Variants in ADGRV1 observed in about 807,000 individuals in gnomAD.
ADGRV1 encodes adhesion G protein-coupled receptor V1, also known as G-protein coupled receptor 98.
Under a neutral mutation model 596.2 loss-of-function variants are expected in ADGRV1, and 359 were observed. That is an observed-to-expected ratio of 0.60 (90% CI 0.55 to 0.66). ADGRV1 has a LOEUF of 0.66. ADGRV1 is among the 30% of genes least tolerant of loss of function. The pLI is 0.00. For synonymous variants in ADGRV1, 2,681 were observed against 2,679.2 expected (o/e 1.00, Z -0.02); for missense variants, 7,274 against 7,575.6 (o/e 0.96, Z 1.48).
rs1745227395 is a variant in ADGRV1 at position 90,683,634 on chromosome 5, A to G, written c.5713A>G (p.Ile1905Val). 2 of 1,611,360 alleles carry G rather than the reference A, an allele frequency of 1.2e-6. No homozygotes were observed. Among genetic ancestry groups the G allele is most frequent in the Non-Finnish European group, 1.7e-6 (2 of 1,177,758 alleles). ...GTCTCCAGTGACTTTGCATTGGAAC[A>G]TAGACTCTGATCCTGATGGTGATCT... ...TLSPVTLHWN[I>V]DSDPDGDLAF... Residue 1905 changes from isoleucine (I) to valine (V), a missense_variant, in exon 28 of 90, where the codon ATA becomes GTA. Around this residue, in one of 5 missense-constraint regions of ADGRV1, gnomAD observed 3,643 missense variants for 3,809.2 expected, o/e 0.96. Coordinates refer to ENST00000405460, the MANE Select transcript of ADGRV1 (RefSeq NM_032119.4).
chr5:90,630,007 T>G (rs889376034), intron 9 of ADGRV1: 1 of 151,804 alleles, frequency 6.6e-6, no homozygotes, highest in Non-Finnish European at 1.5e-5. Context: ...ATATTTTTTC[T>G]TTTTTTTTGA....
At chr5:91,064,390 T>A (rs527581996) in intron 85 of ADGRV1, among the ~76,000 whole-genome samples, 1 of 152,320 alleles carries the variant, frequency 6.6e-6, no homozygotes, top group East Asian at 1.9e-4. Flanking sequence ...CATATATACA[T>A]AACAATAATG....
intron 85 of ADGRV1, among the ~76,000 whole-genome samples, chr5:91,057,925 A>G (rs1360226309): frequency 1.3e-5 from 2 of 152,196 alleles, no homozygotes; most frequent in Non-Finnish European, 2.9e-5. Flanking sequence ...ACTAGTGAGT[A>G]TTATACTTAG....
intron 85 of ADGRV1, among the ~76,000 whole-genome samples, chr5:91,046,646 A>G (rs1022955229): frequency 6.6e-6 from 1 of 152,354 alleles, no homozygotes; most frequent in African/African-American, 2.4e-5. Flanking sequence ...CAAATGCAGT[A>G]AGAACAAAGA....
intron 74 of ADGRV1, among the ~76,000 whole-genome samples, chr5:90,814,863 A>G (rs996192055): frequency 2.6e-5 from 4 of 152,166 alleles, no homozygotes; most frequent in African/African-American, 9.7e-5. Context: ...AGGGCCATGG[A>G]GAATAGAAAG....
intron 85 of ADGRV1, among the ~76,000 whole-genome samples, chr5:91,068,332 G>A (rs1413285323): frequency 1.3e-5 from 2 of 151,864 alleles, no homozygotes; most frequent in Admixed American, 6.6e-5. Flanking sequence ...AGCTGGGCAT[G>A]GTGGTGGGCA....
At chr5:90,585,543 G>A (rs774125223) in intron 1 of ADGRV1, among the ~76,000 whole-genome samples, 2 of 152,198 alleles carry the variant, frequency 1.3e-5, no homozygotes, top group African/African-American at 4.8e-5. Flanking sequence ...TGAGCCCCAG[G>A]GCTGGCTGTG....
chr5:90,962,950 A>G (rs1378177334), intron 83 of ADGRV1, among the ~76,000 whole-genome samples: 6 of 152,212 alleles, frequency 3.9e-5, no homozygotes, highest in African/African-American at 1.4e-4. Context: ...AACATATTGA[A>G]AAAGAAAAGA....
At chr5:90,890,302 G>C (rs1770683795) in intron 83 of ADGRV1, among the ~76,000 whole-genome samples, 1 of 152,090 alleles carries the variant, frequency 6.6e-6, no homozygotes, top group Non-Finnish European at 1.5e-5. Context: ...CCTGTATAAA[G>C]GTCCTATTGT....
Position 90,778,515 on chromosome 5 carries a change from G to A in ADGRV1, c.12755G>A (p.Ser4252Asn), listed in dbSNP as rs898260796. ...VSEGGVLSES[S>N]STANITVVAS... ...GAGGGAGGAGTTCTGAGTGAATCCA[G>A]CAGCACTGCCAACATCACGGTGGTG... The change falls in exon 63 of 90, where the codon AGC becomes AAC. Residue 4252 changes from serine (S) to asparagine (N), a missense_variant. By Grantham distance (46) the Ser-to-Asn change is conservative. Coordinates refer to ENST00000405460, the MANE Select transcript of ADGRV1 (RefSeq NM_032119.4). 6.2e-7 allele frequency: 1 copy of A among 1,613,120 alleles called. No individual in the cohort carries two copies. Among genetic ancestry groups the A allele is most frequent in the Non-Finnish European group, 8.5e-7 (1 of 1,179,476 alleles).
chr5:90,803,335 A>G (rs375260575), intron 71 of ADGRV1, among the ~76,000 whole-genome samples: 2 of 152,184 alleles, frequency 1.3e-5, no homozygotes, highest in South Asian at 4.1e-4. Flanking sequence ...CGTTGTAGGA[A>G]AGATTATTTC....
At chr5:91,101,825 A>T (rs1195081621) in intron 86 of ADGRV1, among the ~76,000 whole-genome samples, 3 of 152,166 alleles carry the variant, frequency 2.0e-5, no homozygotes, top group East Asian at 3.8e-4. Flanking sequence ...ACGATGTTAT[A>T]TAATTTCTGT....
intron 1 of ADGRV1, among the ~76,000 whole-genome samples, chr5:90,595,107 C>CA (rs1760117540): frequency 7.9e-6 from 1 of 126,974 alleles, no homozygotes; most frequent in African/African-American, 3.3e-5. Context: ...GCTGGCCGGG[C>CA]GGGGGGCTGA....
intron 83 of ADGRV1, among the ~76,000 whole-genome samples, chr5:90,950,153 T>A (rs565540606): frequency 6.6e-6 from 1 of 152,318 alleles, no homozygotes; most frequent in East Asian, 1.9e-4. Flanking sequence ...ATTTATCTCC[T>A]GGATGAAAAG....
At position 90,778,791 on chromosome 5, in the gene ADGRV1, G is replaced by T. The variant is rs1758533262; in HGVS notation, c.12850-74G>T. On this transcript the variant is annotated intron_variant, in intron 63 of 89. Coordinates refer to ENST00000405460, the MANE Select transcript of ADGRV1 (RefSeq NM_032119.4). The stretch of plus-strand genomic sequence containing the variant: ...AATTTTAACACAATCCTGGTAAATA[G>T]AACGTTTAGTTACAGACAGTATTGT... 6 of 1,249,738 alleles carry T rather than the reference G, an allele frequency of 4.8e-6. No homozygotes were observed. The Admixed American group carries it at 8.7e-5, about 18-fold the overall frequency. 77.4% of individuals were successfully genotyped at this position (1,249,738 alleles called of 1,614,324 possible).
intron 13 of ADGRV1, 129 bp downstream of exon 13, chr5:90,643,170 C>G: frequency 1.3e-6 from 1 of 779,484 alleles, no homozygotes; most frequent in Non-Finnish European, 1.9e-6. Flanking sequence ...CTGAGAAGTA[C>G]ATAGATTTGG....
intron 87 of ADGRV1, among the ~76,000 whole-genome samples, chr5:91,143,097 G>T (rs1050879824): frequency 3.3e-5 from 5 of 152,218 alleles, no homozygotes; most frequent in African/African-American, 1.2e-4. Context: ...CTGGCTGTCT[G>T]TGAGGCTGTG....
intron 83 of ADGRV1, among the ~76,000 whole-genome samples, chr5:90,880,897 A>G (rs1462223161): frequency 6.6e-6 from 1 of 152,190 alleles, no homozygotes; most frequent in Non-Finnish European, 1.5e-5. Context: ...AGATTTTAGC[A>G]GTGAGTTTTC....
intron 85 of ADGRV1, among the ~76,000 whole-genome samples, chr5:91,009,389 C>T (rs1421406890): frequency 6.6e-6 from 1 of 152,084 alleles, no homozygotes; most frequent in African/African-American, 2.4e-5. Flanking sequence ...CTGTTGGAGA[C>T]AATTGAAACA....
Sources: allele counts gnomAD v4.1 joint callset (sites outside exome capture counted in the v4.1 genomes callset), GRCh38; gene constraint gnomAD v4.1.1; regional missense constraint gnomAD v4.1.1; transcripts MANE v1.5; gene names NCBI Gene and HGNC (gene_info 2026-07-23, HGNC 2026-07-21).